The following ADGRL3 variants were observed in gnomAD, a reference collection of about 807,000 sequenced individuals.
ADGRL3 encodes calcium-independent alpha-latrotoxin receptor 3.
In ADGRL3, 62 loss-of-function variants were observed where a neutral mutation model predicts 153.5. The ratio of observed to expected loss-of-function variants is 0.40; its 90% CI spans 0.33 to 0.50. ADGRL3 has a LOEUF of 0.50. Among genes scored for constraint, ADGRL3 ranks in the 20% least tolerant of loss-of-function variants. The probability of loss-of-function intolerance (pLI) is 0.47; values close to 1 mark genes in which losing one functional copy is unlikely to be tolerated. For synonymous variants in ADGRL3, 710 were observed against 672.5 expected (o/e 1.06, Z -0.86); for missense variants, 1,641 against 1,859.4 (o/e 0.88, Z 2.16).
At chr4:61,513,274 T>A (rs1042611006) in intron 3 of ADGRL3, among the ~76,000 whole-genome samples, 11 of 152,144 alleles carry the variant, frequency 7.2e-5, no homozygotes, top group African/African-American at 1.4e-4. Context: ...TTTAAAAAAA[T>A]TATAAATCAG....
intron 1 of ADGRL3, among the ~76,000 whole-genome samples, chr4:61,278,391 G>T (rs955828953): frequency 2.6e-5 from 4 of 152,144 alleles, no homozygotes; most frequent in Admixed American, 2.6e-4. Context: ...TTTAGAAAAC[G>T]ACTAAAACGT....
At chr4:61,354,013 T>C (rs1030471627) in intron 1 of ADGRL3, among the ~76,000 whole-genome samples, 1 of 152,188 alleles carries the variant, frequency 6.6e-6, no homozygotes, top group Non-Finnish European at 1.5e-5. Flanking sequence ...ATTTCTCTTC[T>C]TTCCTTTCAG....
In ADGRL3 at chr4:61,718,766, C is replaced by A. The variant is rs1341696095; in HGVS notation, c.584-11856C>A. 2.0e-5 allele frequency among the ~76,000 whole-genome samples: 3 copies of A among 151,964 alleles called. No homozygotes were observed. In the South Asian group the frequency reaches 6.2e-4, roughly 32 times the overall value. ...CACTAACAAATTTCTTTTTATGACC[C>A]TTCTACAGATGGCTTTTAAGGAAAA... On this transcript the variant is annotated intron_variant, in intron 6 of 26. Transcript: ENST00000683033.
At position 61,759,049 on chromosome 4, in the gene ADGRL3, G is replaced by T. The variant is rs947754353; in HGVS notation, c.1399+25495G>T. ...TTGTAGAGTTTCTGCCGAGAGATCA[G>T]CTGTTAGTCTGATGGGCTTCCCTTT... On this transcript the variant is annotated intron_variant, in intron 8 of 26. Transcript: ENST00000683033. Among the ~76,000 whole-genome samples the T allele has an allele frequency of 5.6e-4, 86 of 152,244 alleles. No individual in the cohort carries two copies. In the East Asian group the frequency reaches 5.8e-3, roughly 10 times the overall value.
At chr4:61,594,823 A>ATT (rs986239459) in intron 5 of ADGRL3, among the ~76,000 whole-genome samples, 7 of 152,138 alleles carry the variant, frequency 4.6e-5, no homozygotes, top group African/African-American at 1.7e-4. Context: ...GACTGGAGTC[A>ATT]AAAACCTTAC....
At chr4:61,721,344 C>T (rs2096241197) in intron 6 of ADGRL3, among the ~76,000 whole-genome samples, 1 of 152,100 alleles carries the variant, frequency 6.6e-6, no homozygotes, top group Non-Finnish European at 1.5e-5. Flanking sequence ...GCCTGAGAGC[C>T]CTTGCAAATC....
At chr4:61,647,044 T>G (rs2094033211) in intron 5 of ADGRL3, among the ~76,000 whole-genome samples, 1 of 152,148 alleles carries the variant, frequency 6.6e-6, no homozygotes, top group African/African-American at 2.4e-5. Flanking sequence ...ATTTTCCAGG[T>G]GCCGTCCATC....
chr4:61,205,178 T>C (rs1249651712), intron 1 of ADGRL3, among the ~76,000 whole-genome samples: 1 of 152,192 alleles, frequency 6.6e-6, no homozygotes. Flanking sequence ...AGTCAAATAA[T>C]ATGATGCAAA....
At chr4:61,364,127 C>T (rs918564572) in intron 1 of ADGRL3, among the ~76,000 whole-genome samples, 2 of 151,482 alleles carry the variant, frequency 1.3e-5, no homozygotes, top group South Asian at 2.1e-4. Flanking sequence ...GTCAAGAGAT[C>T]GAGATCATCC....
intron 9 of ADGRL3, among the ~76,000 whole-genome samples, chr4:61,870,759 C>G (rs2098439065): frequency 6.6e-6 from 1 of 152,176 alleles, no homozygotes; most frequent in African/African-American, 2.4e-5. Flanking sequence ...TTCAAAATCA[C>G]TAGATGACCT....
chr4:61,980,556 C>T (rs934768605), intron 18 of ADGRL3, among the ~76,000 whole-genome samples: 2 of 152,016 alleles, frequency 1.3e-5, no homozygotes, highest in African/African-American at 2.4e-5. Context: ...CCTCCCACCA[C>T]AGCCTCTGGA....
chr4:61,712,387 C>T (rs910138788), intron 6 of ADGRL3, among the ~76,000 whole-genome samples: 1 of 151,838 alleles, frequency 6.6e-6, no homozygotes, highest in African/African-American at 2.4e-5. Flanking sequence ...AGAACAAGAC[C>T]ATGTCCTAGG....
intron 8 of ADGRL3, among the ~76,000 whole-genome samples, chr4:61,790,085 A>G (rs2097323769): frequency 2.0e-5 from 3 of 152,238 alleles, no homozygotes; most frequent in Admixed American, 1.3e-4. Flanking sequence ...CTGTTTTTAT[A>G]GCAAAGTTAA....
chr4:61,685,414 A>T (rs2151039873), intron 6 of ADGRL3, among the ~76,000 whole-genome samples: 1 of 152,280 alleles, frequency 6.6e-6, no homozygotes, highest in East Asian at 1.9e-4. Flanking sequence ...GTTAAAAAAA[A>T]ATCAAAACTT....
At chr4:61,840,714 A>C (rs918950687) in intron 9 of ADGRL3, among the ~76,000 whole-genome samples, 126 of 152,308 alleles carry the variant, frequency 8.3e-4, no homozygotes, top group African/African-American at 2.9e-3. Flanking sequence ...AGTAAATCAG[A>C]TAATTTGAGA....
At chr4:61,647,383 T>C (rs1160858668) in intron 5 of ADGRL3, among the ~76,000 whole-genome samples, 2 of 152,116 alleles carry the variant, frequency 1.3e-5, no homozygotes, top group South Asian at 2.1e-4. Context: ...ATTAATTGAG[T>C]TTTATTATCT....
chr4:62,018,234 G>A (rs562016835), intron 21 of ADGRL3, among the ~76,000 whole-genome samples: 13 of 152,220 alleles, frequency 8.5e-5, no homozygotes, highest in East Asian at 1.9e-4. Context: ...GAGTCTAGGC[G>A]TATTAAAAGC....
intron 4 of ADGRL3, among the ~76,000 whole-genome samples, chr4:61,553,990 G>T (rs1050458429): frequency 2.0e-5 from 3 of 151,760 alleles, no homozygotes; most frequent in Admixed American, 6.6e-5. Context: ...CCTACCTGCC[G>T]GAGAACAGAG....
chr4:61,506,931 C>A (rs187067649), intron 3 of ADGRL3, among the ~76,000 whole-genome samples: 50 of 151,980 alleles, frequency 3.3e-4, no homozygotes, highest in Non-Finnish European at 5.9e-4. Flanking sequence ...AGGTTAAAAA[C>A]GTAAAAATAA....
Sources: gnomAD v4.1 joint callset for allele counts (sites outside exome capture counted in the v4.1 genomes callset) on GRCh38, gnomAD v4.1.1 for gene constraint, MANE v1.5 for transcripts, NCBI Gene and HGNC (gene_info 2026-07-23, HGNC 2026-07-21) for gene names.